The following USP26 variants were observed in gnomAD, a reference collection of about 807,000 sequenced individuals.
USP26 encodes the protein ubiquitin specific peptidase 26, also known as ubiquitin carboxyl-terminal hydrolase 26.
For missense variants in USP26, 649 were observed against 642.3 expected, an observed-to-expected ratio of 1.01 and a Z score of -0.11; for synonymous variants, 236 against 240.6, an observed-to-expected ratio of 0.98 and a Z score of 0.18.
chrX:133,048,030 T>A (rs1280302713), intron 5 of USP26, among the ~76,000 whole-genome samples: 3 of 112,017 alleles, frequency 2.7e-5, no homozygotes. Flanking sequence ...CTCACCAATT[T>A]TAAACCATTA....
chrX:133,033,981 A>T (rs1210269735), intron 5 of USP26, among the ~76,000 whole-genome samples: 1 of 112,020 alleles, frequency 8.9e-6, no homozygotes, highest in Non-Finnish European at 1.9e-5. Context: ...CTCTGCCTGG[A>T]ATTCCCTAAT....
chrX:133,052,870 G>C (rs931652841), intron 5 of USP26, among the ~76,000 whole-genome samples: 1 of 111,595 alleles, frequency 9.0e-6, no homozygotes, highest in Non-Finnish European at 1.9e-5. Flanking sequence ...TAGATGGGGA[G>C]GGGGGTGAGA....
At chrX:133,094,269 T>C (rs1015892650) in intron 1 of USP26, among the ~76,000 whole-genome samples, 2 of 111,275 alleles carry the variant, frequency 1.8e-5, no homozygotes, top group African/African-American at 3.3e-5. Context: ...TGTGGCACAC[T>C]GCGTGGCTAA....
In USP26 at chrX:133,025,288, G is replaced by A; in HGVS notation, c.*191C>T. On this transcript the variant is annotated 3_prime_UTR_variant, in exon 6 of 6. Transcript: ENST00000511190. Reference sequence around the variant, plus strand: ...AGGAGAGAAGGATGCTCATCAGCCAGAGCTATGGGATTGAGGTGTCTGTGT... The same window carrying A: ...AGGAGAGAAGGATGCTCATCAGCCAAAGCTATGGGATTGAGGTGTCTGTGT... 1 of 580,136 alleles carries A rather than the reference G, an allele frequency of 1.7e-6. No individual in the cohort carries two copies. The highest frequency in any genetic ancestry group is 2.7e-6 in the Non-Finnish European group (1 of 377,320). The allele number at this position is 580,136 out of a possible 1,213,427, so 47.8% of individuals were successfully genotyped here.
At chrX:133,079,802 G>A (rs907122828) in intron 5 of USP26, among the ~76,000 whole-genome samples, 1 of 111,471 alleles carries the variant, frequency 9.0e-6, no homozygotes, top group Admixed American at 9.6e-5. Flanking sequence ...GAAATGTGGC[G>A]GTAATTGGGA....
chrX:133,059,586 T>A (rs937346940), intron 5 of USP26, among the ~76,000 whole-genome samples: 3 of 110,179 alleles, frequency 2.7e-5, no homozygotes, highest in African/African-American at 9.9e-5. Context: ...TCAAAAAGAA[T>A]CCAAGCATCC....
chrX:133,087,727 AAT>A (rs1432318184), intron 4 of USP26, among the ~76,000 whole-genome samples: 1 of 112,273 alleles, frequency 8.9e-6, no homozygotes, highest in Non-Finnish European at 1.9e-5. Context: ...TATTAAGAAA[AAT>A]ATGTTTTTCT....
chrX:133,085,687 G>A (rs2067586101), intron 4 of USP26, among the ~76,000 whole-genome samples: 1 of 112,101 alleles, frequency 8.9e-6, no homozygotes. Flanking sequence ...TAAATTCACT[G>A]AATTTTTATG....
At chrX:133,079,343 T>C (rs747445626) in intron 5 of USP26, among the ~76,000 whole-genome samples, 1 of 112,011 alleles carries the variant, frequency 8.9e-6, no homozygotes, top group East Asian at 2.8e-4. Context: ...CAACAGCCCC[T>C]TTAAGAAGCT....
chrX:133,086,785 G>C (rs2067590828), intron 4 of USP26, among the ~76,000 whole-genome samples: 1 of 108,776 alleles, frequency 9.2e-6, no homozygotes, highest in African/African-American at 3.4e-5. Context: ...ATCATGGCAG[G>C]AGCCTGTAAT....
At position 133,025,866 on chromosome X, in the gene USP26, C is replaced by T. The variant is rs767611343; in HGVS notation, c.2355G>A (p.Arg785=). The T allele has an allele frequency of 1.7e-6, 2 of 1,208,576 alleles. No homozygotes were observed. Among genetic ancestry groups the T allele is most frequent in the Non-Finnish European group, 2.2e-6 (2 of 894,536 alleles). ...TGGAACCCAGTGCAAGTAGGGAATT[C>T]CTGTTAGACTTCTGTAGATTTAATT... ...PTKLNLQKSN[R]NSLLALGSNK... The change falls in exon 6 of 6, where the codon AGG becomes AGA. Residue 785 remains arginine (R), a synonymous_variant. Coordinates refer to ENST00000511190, the MANE Select transcript of USP26 (RefSeq NM_031907.3).
intron 5 of USP26, among the ~76,000 whole-genome samples, chrX:133,064,927 G>A (rs1467014142): frequency 2.7e-5 from 3 of 111,044 alleles, no homozygotes; most frequent in African/African-American, 9.8e-5. Flanking sequence ...CAAAAAATCA[G>A]TGAATCCAGG....
intron 1 of USP26, among the ~76,000 whole-genome samples, chrX:133,094,642 G>A (rs1026469689): frequency 9.0e-6 from 1 of 111,202 alleles, no homozygotes; most frequent in Non-Finnish European, 1.9e-5. Context: ...CAAAAAACTC[G>A]AGCAGAATTG....
chrX:133,095,619 G>C (rs983545836), intron 1 of USP26, among the ~76,000 whole-genome samples: 5 of 111,678 alleles, frequency 4.5e-5, no homozygotes, highest in Non-Finnish European at 9.4e-5. Context: ...ATTTTTTTAA[G>C]AGACAGGGTC....
rs144280777 is a variant in USP26, at chrX:133,069,314, C to G, written c.-77+14393G>C. On this transcript the variant is annotated intron_variant, in intron 5 of 5. Coordinates refer to ENST00000511190, the MANE Select transcript of USP26 (RefSeq NM_031907.3). Reference sequence around the variant, plus strand: ...ACAGAGAGGAAAGGAAAACGAATATCTTTTATTTGTTAGAGAACAAATCTA... The same window carrying G: ...ACAGAGAGGAAAGGAAAACGAATATGTTTTATTTGTTAGAGAACAAATCTA... Among the ~76,000 whole-genome samples the G allele has an allele frequency of 3.9e-3, 438 of 111,816 alleles. 1 individual carries two copies. Among genetic ancestry groups the G allele is most frequent in the African/African-American group, 0.013 (390 of 30,834 alleles).
chrX:133,049,721 G>A (rs2148530172), intron 5 of USP26, among the ~76,000 whole-genome samples: 1 of 112,079 alleles, frequency 8.9e-6, no homozygotes, highest in South Asian at 3.8e-4. Context: ...TGGTCGCTAA[G>A]TATTTGGTTT....
At chrX:133,095,439 A>C (rs1300279121) in intron 1 of USP26, among the ~76,000 whole-genome samples, 1 of 112,227 alleles carries the variant, frequency 8.9e-6, no homozygotes, top group Non-Finnish European at 1.9e-5. Context: ...TTATTTTATA[A>C]GGAAATTAAT....
intron 5 of USP26, among the ~76,000 whole-genome samples, chrX:133,061,174 G>A (rs935971526): frequency 9.0e-6 from 1 of 111,718 alleles, no homozygotes; most frequent in Non-Finnish European, 1.9e-5. Flanking sequence ...TTAAAAAAAA[G>A]AAAGACTATA....
At chrX:133,082,386 A>G (rs905954536) in intron 5 of USP26, among the ~76,000 whole-genome samples, 2 of 111,964 alleles carry the variant, frequency 1.8e-5, no homozygotes, top group Non-Finnish European at 3.8e-5. Flanking sequence ...ACAGACAACA[A>G]AAGTGGTCAG....
Sources: allele counts gnomAD v4.1 joint callset (sites outside exome capture counted in the v4.1 genomes callset), GRCh38; gene constraint gnomAD v4.1.1; transcripts MANE v1.5; gene names NCBI Gene and HGNC (gene_info 2026-07-23, HGNC 2026-07-21).